Variants in ABR observed in about 807,000 individuals in gnomAD.
ABR encodes the protein ABR activator of RhoGEF and GTPase.
Under a neutral mutation model 107.2 loss-of-function variants are expected in ABR, and 35 were observed. The ratio of observed to expected loss-of-function variants is 0.33; its 90% CI spans 0.25 to 0.43. The LOEUF (loss-of-function observed/expected upper bound fraction) is 0.43. Among genes scored for constraint, ABR ranks in the 20% least tolerant of loss-of-function variants. The pLI is 1.00. For missense variants in ABR, 815 were observed against 1,115.2 expected, an observed-to-expected ratio of 0.73 and a Z score of 3.83; for synonymous variants, 498 against 462.0, an observed-to-expected ratio of 1.08 and a Z score of -1.00.
chr17:1,179,790 GCGGGCGGGAGCCGGGGGAGGCCGAAGTT>G lies in ABR; in HGVS notation c.-91_-64del. On this transcript the variant is annotated 5_prime_UTR_variant, in exon 1 of 23. Transcript: ENST00000302538. The surrounding 1 kb of genome is among the most constrained non-coding windows in gnomAD (Gnocchi z 4.9). The stretch of plus-strand genomic sequence containing the variant: ...CTCATCGCGCAACAAAGGAGGGAGA[GCGGGCGGGAGCCGGGGGAGGCCGAAGTT>G]GCGAGCGCGGAGGGGCGAGGAGGCC... The G allele has an allele frequency of 1.6e-6, 2 of 1,284,700 alleles. No individual in the cohort carries two copies. Among genetic ancestry groups the G allele is most frequent in the Non-Finnish European group, 2.1e-6 (2 of 972,922 alleles). The allele number at this position is 1,284,700 out of a possible 1,614,324, so 79.6% of individuals were successfully genotyped here.
upstream of ABR, among the ~76,000 whole-genome samples, chr17:1,189,438 C>T (rs1006801129): frequency 2.0e-5 from 3 of 151,644 alleles, no homozygotes; most frequent in African/African-American, 7.3e-5. Flanking sequence ...AAACCTCCGC[C>T]TCCGAGTTCA....
At chr17:1,085,512 C>T (rs2036539888) in intron 4 of ABR, among the ~76,000 whole-genome samples, 1 of 152,152 alleles carries the variant, frequency 6.6e-6, no homozygotes, top group African/African-American at 2.4e-5. Context: ...TAGGCATGGC[C>T]TATTTTCAGT....
chr17:1,021,617 A>T (rs2071651806), intron 16 of ABR, among the ~76,000 whole-genome samples: 1 of 151,242 alleles, frequency 6.6e-6, no homozygotes, highest in Non-Finnish European at 1.5e-5. Flanking sequence ...CAACCTGACC[A>T]ACGTGGCGAA....
Position 1,150,892 on chromosome 17 carries a change from G to T in ABR, c.62-25525C>A, listed in dbSNP as rs2040766559. Among the ~76,000 whole-genome samples the T allele has an allele frequency of 1.3e-5, 2 of 152,162 alleles. No individual in the cohort carries two copies. The highest frequency in any genetic ancestry group is 4.8e-5 in the African/African-American group (2 of 41,436). ...CTTGCTGAGCTACTGGTGCGCGTATGTGTGCATATATATACACATGTGCAC... is the reference window on the plus strand; with the variant it reads ...CTTGCTGAGCTACTGGTGCGCGTATTTGTGCATATATATACACATGTGCAC... On this transcript the variant is annotated intron_variant, in intron 1 of 22. Coordinates refer to ENST00000302538, the MANE Select transcript of ABR (RefSeq NM_021962.5). The surrounding 1 kb of genome is among the most constrained non-coding windows in gnomAD (Gnocchi z 4.8).
At chr17:1,088,093 C>G (rs893026124) in intron 4 of ABR, among the ~76,000 whole-genome samples, 5 of 152,202 alleles carry the variant, frequency 3.3e-5, no homozygotes, top group Admixed American at 6.5e-5. Flanking sequence ...CGGCTCCCCC[C>G]GGGCCCTCCC....
intron 1 of ABR, among the ~76,000 whole-genome samples, chr17:1,225,719 C>A (rs1002604773): frequency 3.9e-5 from 6 of 152,100 alleles, no homozygotes; most frequent in Non-Finnish European, 8.8e-5. Flanking sequence ...TTAATTAACA[C>A]TTATGGGTGC....
At chr17:1,165,132 G>A (rs1281186691) in intron 1 of ABR, among the ~76,000 whole-genome samples, 1 of 152,226 alleles carries the variant, frequency 6.6e-6, no homozygotes, top group African/African-American at 2.4e-5. Flanking sequence ...AGGCTAAGCA[G>A]GTGTTCAAAG....
chr17:1,146,260 GACACACACACACACAC>G lies in ABR; in HGVS notation c.62-20909_62-20894del, dbSNP rs60058475. ...GTTTCTATCCACGCAGGCACATGGAGACACACACACACACACACACACACACACACACACACATCAC... is the reference window on the plus strand; with the variant it reads ...GTTTCTATCCACGCAGGCACATGGAGACACACACACACACACACACATCAC... On this transcript the variant is annotated intron_variant, in intron 1 of 22. Coordinates refer to ENST00000302538, the MANE Select transcript of ABR (RefSeq NM_021962.5). 4.4e-3 allele frequency among the ~76,000 whole-genome samples: 618 copies of G among 140,216 alleles called. 26 individuals carry two copies. In the East Asian group the frequency reaches 0.11, roughly 25 times the overall value. 92.0% of individuals were successfully genotyped at this position (140,216 alleles called of 152,430 possible).
intron 1 of ABR, among the ~76,000 whole-genome samples, chr17:1,211,074 T>C (rs943809895): frequency 1.3e-5 from 2 of 152,088 alleles, no homozygotes; most frequent in East Asian, 3.9e-4. Context: ...GGTCAGGAGT[T>C]TGAGACCAGC....
chr17:1,018,109 CCTGG>C (rs2071311416), intron 16 of ABR, among the ~76,000 whole-genome samples: 2 of 151,922 alleles, frequency 1.3e-5, no homozygotes, highest in Admixed American at 1.3e-4. Context: ...GTGGCGCGAT[CCTGG>C]CTCACTGCAA....
intron 1 of ABR, among the ~76,000 whole-genome samples, chr17:1,225,814 T>A (rs2043203143): frequency 6.6e-6 from 1 of 152,158 alleles, no homozygotes; most frequent in Non-Finnish European, 1.5e-5. Flanking sequence ...GAAGAGGTGC[T>A]TATTAGCCTC....
chr17:1,193,255 C>T (rs1598102137), intron 1 of ABR, among the ~76,000 whole-genome samples: 2 of 151,994 alleles, frequency 1.3e-5, no homozygotes, highest in Non-Finnish European at 2.9e-5. Context: ...TATAGAGAAG[C>T]CTTTCTGGGA....
intron 2 of ABR, among the ~76,000 whole-genome samples, chr17:1,106,610 A>G (rs964117542): frequency 6.8e-6 from 1 of 148,008 alleles, no homozygotes; most frequent in African/African-American, 2.5e-5. Flanking sequence ...GCTCGCTGCA[A>G]CCTCTGCCTC....
chr17:1,096,379 G>C (rs1008295406), intron 3 of ABR, among the ~76,000 whole-genome samples: 1 of 152,182 alleles, frequency 6.6e-6, no homozygotes, highest in African/African-American at 2.4e-5. Flanking sequence ...TGGAGGGAAC[G>C]AATTTCTTCT....
intron 16 of ABR, among the ~76,000 whole-genome samples, chr17:1,028,251 C>T (rs944244919): frequency 1.7e-3 from 244 of 146,972 alleles, no homozygotes; most frequent in African/African-American, 5.7e-3. Flanking sequence ...CCACCATGCC[C>T]GGCTATTTTT....
chr17:1,070,036 T>G lies in ABR; in HGVS notation c.949A>C (p.Lys317Gln). 2 of 1,613,528 alleles carry G rather than the reference T, an allele frequency of 1.2e-6. No homozygotes were observed. The highest frequency in any genetic ancestry group is 8.5e-7 in the Non-Finnish European group (1 of 1,179,894). ...GTAAAGAGGAAGACGTGCCGCAGCT[T>G]CCGGGAGCTCTCTGACACTTCCACC... Reference protein sequence around the residue: ...FLVEVSESSRKLRHVFLFTDV... With the variant: ...FLVEVSESSRQLRHVFLFTDV... The change falls in exon 9 of 23, where the codon AAG (lysine) becomes CAG (glutamine). Residue 317 changes from lysine (K) to glutamine (Q), a missense_variant. Physicochemically the swap from Lys to Gln is moderately conservative, Grantham distance 53. This residue lies in a region of ABR where 385 missense variants were observed against 596.9 expected (regional missense o/e 0.64). Transcript: ENST00000302538. The surrounding 1 kb of genome is among the most constrained non-coding windows in gnomAD (Gnocchi z 4.2).
chr17:1,031,811 C>A (rs1430096162), intron 16 of ABR: 2 of 1,227,452 alleles, frequency 1.6e-6, no homozygotes, highest in South Asian at 4.1e-5. Flanking sequence ...CTGCCAGTCC[C>A]GCTAGTTCCC....
chr17:1,206,430 A>C (rs182977626), intron 1 of ABR, among the ~76,000 whole-genome samples: 59 of 152,278 alleles, frequency 3.9e-4, no homozygotes, highest in African/African-American at 1.3e-3. Flanking sequence ...TTGCTCTGCC[A>C]CCCAGGCTGG....
intron 16 of ABR, among the ~76,000 whole-genome samples, chr17:1,016,159 A>G (rs2071137929): frequency 1.3e-5 from 2 of 152,204 alleles, no homozygotes; most frequent in Non-Finnish European, 2.9e-5. Flanking sequence ...AATCGCATAT[A>G]TACCTATTAC....
Sources: gnomAD v4.1 joint callset for allele counts (sites outside exome capture counted in the v4.1 genomes callset) on GRCh38, gnomAD v4.1.1 for gene constraint, gnomAD v4.1.1 regional missense constraint, Gnocchi (gnomAD v3.1) non-coding constraint, MANE v1.5 for transcripts, NCBI Gene and HGNC (gene_info 2026-07-23, HGNC 2026-07-21) for gene names.